Variants in NTRK2 observed in about 807,000 individuals in gnomAD.
The protein encoded by NTRK2 is BDNF/NT-3 growth factors receptor.
NTRK2 carries 13 observed loss-of-function variants against 94.5 expected under a neutral mutation model. The ratio of observed to expected loss-of-function variants is 0.14; its 90% CI spans 0.09 to 0.22. The LOEUF (loss-of-function observed/expected upper bound fraction) is 0.22, where lower values mean the gene tolerates loss of function less well. NTRK2 is among the 10% of genes least tolerant of loss of function. The pLI is 1.00. For missense variants in NTRK2, 639 were observed against 1,071.2 expected, an observed-to-expected ratio of 0.60 and a Z score of 5.63; for synonymous variants, 372 against 407.4, an observed-to-expected ratio of 0.91 and a Z score of 1.05.
At chr9:84,957,205 TTC>T (rs1276586950) in intron 17 of NTRK2, among the ~76,000 whole-genome samples, 1 of 152,142 alleles carries the variant, frequency 6.6e-6, no homozygotes, top group Non-Finnish European at 1.5e-5. Context: ...GGCAAAGGCT[TTC>T]TCTCTGCAGT....
At chr9:84,755,205 C>T (rs149087307) in intron 12 of NTRK2, among the ~76,000 whole-genome samples, 21 of 152,292 alleles carry the variant, frequency 1.4e-4, no homozygotes, top group African/African-American at 3.4e-4. Context: ...CTGTAAGCTT[C>T]GTCGGGTTTT....
At chr9:84,802,780 C>T (rs564063195) in intron 12 of NTRK2, among the ~76,000 whole-genome samples, 1 of 152,234 alleles carries the variant, frequency 6.6e-6, no homozygotes, top group South Asian at 2.1e-4. Context: ...AATGGGTCAC[C>T]TGCTAAGCTT....
intron 17 of NTRK2, among the ~76,000 whole-genome samples, chr9:84,960,266 A>G (rs1396719479): frequency 6.6e-6 from 1 of 152,212 alleles, no homozygotes; most frequent in African/African-American, 2.4e-5. Context: ...AGACCAGCTA[A>G]TATAGCAAGT....
intron 14 of NTRK2, among the ~76,000 whole-genome samples, chr9:84,886,284 G>A (rs1183757056): frequency 6.6e-6 from 1 of 152,192 alleles, no homozygotes; most frequent in Admixed American, 6.5e-5. Flanking sequence ...GGTTGATGTT[G>A]TCTTCCTGTA....
intron 6 of NTRK2, among the ~76,000 whole-genome samples, chr9:84,712,809 T>C (rs916833285): frequency 6.6e-6 from 1 of 152,238 alleles, no homozygotes; most frequent in Non-Finnish European, 1.5e-5. Context: ...AGATCTGTCA[T>C]ATTCTTTTTA....
chr9:84,778,416 G>A (rs1371344064), intron 12 of NTRK2, among the ~76,000 whole-genome samples: 3 of 152,212 alleles, frequency 2.0e-5, no homozygotes, highest in African/African-American at 7.2e-5. Flanking sequence ...TTTTAGAGAA[G>A]CAGGAGGTTA....
rs1276057036 is a variant in NTRK2, at chr9:84,894,525, CA to C, written c.1633+27095del. Reference sequence around the variant, plus strand: ...ACAGGAAGATTCCCCCACCATACCCCACAACCTCCACCTAAATATTCTATCT... The same window carrying C: ...ACAGGAAGATTCCCCCACCATACCCCCAACCTCCACCTAAATATTCTATCT... On this transcript the variant is annotated intron_variant, in intron 14 of 18. Coordinates refer to ENST00000277120, the MANE Select transcript of NTRK2 (RefSeq NM_006180.6). Among the ~76,000 whole-genome samples, 3 of 152,254 alleles carry C rather than the reference CA, an allele frequency of 2.0e-5. No individual in the cohort carries two copies. The East Asian group carries it at 5.8e-4, about 29-fold the overall frequency.
intron 13 of NTRK2, among the ~76,000 whole-genome samples, chr9:84,862,662 T>C (rs1055636624): frequency 2.6e-5 from 4 of 152,146 alleles, no homozygotes; most frequent in Admixed American, 1.3e-4. Context: ...ATTGAGAAGA[T>C]AGTGTGTCAC....
At chr9:84,813,082 C>T in intron 12 of NTRK2, 1 of 1,039,236 alleles carries the variant, frequency 9.6e-7, no homozygotes, top group Non-Finnish European at 1.2e-6. Context: ...CTTCCTAATG[C>T]ATGTGTTGCA....
At chr9:84,813,573 C>T in intron 12 of NTRK2, 1 of 1,065,620 alleles carries the variant, frequency 9.4e-7, no homozygotes, top group Admixed American at 5.3e-5. Context: ...GCCCAGTTAT[C>T]TGCAACATGT....
chr9:84,999,898 G>A (rs4631550), intron 17 of NTRK2, among the ~76,000 whole-genome samples: 111,063 of 152,008 alleles, frequency 0.73, 41,227 homozygotes, highest in African/African-American at 0.82. Flanking sequence ...GCTCAGGTTC[G>A]CAGTTTCTAC....
intron 14 of NTRK2, among the ~76,000 whole-genome samples, chr9:84,899,076 G>A (rs547836809): frequency 2.0e-5 from 3 of 152,290 alleles, no homozygotes; most frequent in South Asian, 4.2e-4. Flanking sequence ...TTTTCCTTGA[G>A]TGATTTGAGC....
chr9:84,747,924 C>T (rs932170471), intron 11 of NTRK2, among the ~76,000 whole-genome samples: 1 of 152,014 alleles, frequency 6.6e-6, no homozygotes, highest in African/African-American at 2.4e-5. Flanking sequence ...ATGAGAGGTG[C>T]AATATTGTGT....
At chr9:84,694,283 T>A (rs180894178) in intron 2 of NTRK2, among the ~76,000 whole-genome samples, 1 of 152,210 alleles carries the variant, frequency 6.6e-6, no homozygotes, top group African/African-American at 2.4e-5. Context: ...AGCATTATTT[T>A]GTTAGGAGAC....
intron 14 of NTRK2, among the ~76,000 whole-genome samples, chr9:84,896,106 A>C (rs552922548): frequency 6.6e-6 from 1 of 152,208 alleles, no homozygotes; most frequent in African/African-American, 2.4e-5. Flanking sequence ...GTGTTTGTTT[A>C]TGTGTTTTTC....
chr9:84,877,063 AGCAG>A, intron 14 of NTRK2: 1 of 1,063,920 alleles, frequency 9.4e-7, no homozygotes, highest in Middle Eastern at 4.2e-4. Context: ...GTGGCCAAGT[AGCAG>A]GCAGAATAAG....
At chr9:84,816,469 T>C (rs796552781) in intron 12 of NTRK2, among the ~76,000 whole-genome samples, 50 of 152,116 alleles carry the variant, frequency 3.3e-4, no homozygotes, top group African/African-American at 1.1e-3. Context: ...AAGTCAAGTA[T>C]ACTGCCCCTC....
intron 2 of NTRK2, among the ~76,000 whole-genome samples, chr9:84,675,324 C>CTTTTTTTTTTTT (rs536445167): frequency 7.4e-5 from 5 of 67,322 alleles, no homozygotes; most frequent in Admixed American, 2.2e-4. Context: ...TCTTTCTTTC[C>CTTTTTTTTTTTT]TTTTTTTTTT....
At chr9:84,866,407 A>G (rs908459180) in intron 13 of NTRK2, among the ~76,000 whole-genome samples, 6 of 152,210 alleles carry the variant, frequency 3.9e-5, no homozygotes, top group African/African-American at 1.4e-4. Flanking sequence ...TAGAGGTCCA[A>G]AGAAAGTAAG....
Sources: allele counts gnomAD v4.1 joint callset (sites outside exome capture counted in the v4.1 genomes callset), GRCh38; gene constraint gnomAD v4.1.1; transcripts MANE v1.5; gene names NCBI Gene and HGNC (gene_info 2026-07-23, HGNC 2026-07-21).